PCDHA3: variants seen among roughly 807,000 people sequenced by gnomAD.
PCDHA3 encodes the protein protocadherin alpha-3.
PCDHA3 carries 41 observed loss-of-function variants against 62.2 expected under a neutral mutation model. That is an observed-to-expected ratio of 0.66 (90% CI 0.51 to 0.86). The LOEUF (loss-of-function observed/expected upper bound fraction) is 0.86. Among genes scored for constraint, PCDHA3 ranks in the 40% least tolerant of loss-of-function variants. The pLI, the probability that PCDHA3 is intolerant of heterozygous loss-of-function variation, is 0.00. For synonymous variants in PCDHA3, 640 were observed against 555.4 expected, an observed-to-expected ratio of 1.15 and a Z score of -2.14; for missense variants, 1,304 against 1,241.2, an observed-to-expected ratio of 1.05 and a Z score of -0.76.
intron 1 of PCDHA3, among the ~76,000 whole-genome samples, chr5:140,908,711 T>A (rs951399125): frequency 6.6e-6 from 1 of 152,144 alleles, no homozygotes; most frequent in African/African-American, 2.4e-5. Flanking sequence ...CACCATTGGA[T>A]CTGCTGGGTC....
At chr5:140,962,348 C>T (rs2095675606) in intron 1 of PCDHA3, among the ~76,000 whole-genome samples, 1 of 152,130 alleles carries the variant, frequency 6.6e-6, no homozygotes, top group South Asian at 2.1e-4. Flanking sequence ...AGTAAAACTC[C>T]CCCCAATACT....
At chr5:140,818,821 C>T (rs188829951) in intron 1 of PCDHA3, among the ~76,000 whole-genome samples, 156 of 152,316 alleles carry the variant, frequency 1.0e-3, no homozygotes, top group Admixed American at 2.0e-3. Flanking sequence ...GAGTGAGACT[C>T]TTTGTCACCC....
chr5:140,892,408 G>C (rs1323060042), intron 1 of PCDHA3, among the ~76,000 whole-genome samples: 1 of 152,054 alleles, frequency 6.6e-6, no homozygotes, highest in Non-Finnish European at 1.5e-5. Context: ...TCAAGCTTCA[G>C]GTATTCTAGA....
intron 1 of PCDHA3, chr5:140,927,951 T>G: frequency 6.2e-7 from 1 of 1,614,198 alleles, no homozygotes; most frequent in Non-Finnish European, 8.5e-7. Context: ...CTGAGGACGC[T>G]GCCCCTGGCA....
At chr5:140,859,674 A>G (rs1480845911) in intron 1 of PCDHA3, 1 of 154,702 alleles carries the variant, frequency 6.5e-6, no homozygotes. Flanking sequence ...ATAGCTTCAA[A>G]TAAAATTAAA....
chr5:140,841,833 G>A (rs2150323883), intron 1 of PCDHA3: 2 of 1,613,938 alleles, frequency 1.2e-6, no homozygotes, highest in South Asian at 2.2e-5. Context: ...TTAACCTACA[G>A]GCTTAGCTCT....
At chr5:140,850,803 A>G in intron 1 of PCDHA3, 4 of 1,598,380 alleles carry the variant, frequency 2.5e-6, no homozygotes, top group Non-Finnish European at 3.4e-6. Context: ...GACCGACCTC[A>G]TGGCCTTCAG....
Position 140,856,344 on chromosome 5 carries a change from T to C in PCDHA3, c.2394+52753T>C, listed in dbSNP as rs782335067. 2.8e-5 allele frequency: 45 copies of C among 1,598,188 alleles called. 4 individuals are homozygous for C. The highest frequency in any genetic ancestry group is 1.5e-4 in the Admixed American group (9 of 59,260). On this transcript the variant is annotated intron_variant, in intron 1 of 3. Transcript: ENST00000522353. The stretch of plus-strand genomic sequence containing the variant: ...CGCGAGGAGCTGTGCGGGCGGAGCG[T>C]GGAGTGCAGCATCCACCTGGAGGTG...
chr5:140,944,301 C>T (rs1320988632), intron 1 of PCDHA3, among the ~76,000 whole-genome samples: 1 of 152,176 alleles, frequency 6.6e-6, no homozygotes, highest in Non-Finnish European at 1.5e-5. Flanking sequence ...GATCCTCCTA[C>T]CTCAGCCTCC....
At chr5:140,933,663 C>G (rs1340033934) in intron 1 of PCDHA3, among the ~76,000 whole-genome samples, 4 of 152,128 alleles carry the variant, frequency 2.6e-5, no homozygotes, top group African/African-American at 7.2e-5. Context: ...GTCTCTCTCT[C>G]TGTCTCTCTC....
chr5:140,868,980 G>T (rs2050777662), intron 1 of PCDHA3: 5 of 1,489,988 alleles, frequency 3.4e-6, no homozygotes, highest in South Asian at 1.4e-5. Context: ...CCATCATACC[G>T]GATGCCACCG....
rs78805068 is a variant in PCDHA3, at chr5:140,928,696, C to T, written c.2395-50253C>T. On this transcript the variant is annotated intron_variant, in intron 1 of 3. Transcript: ENST00000522353. ...TGCCTGGCTTTCCTACCACATCTCC[C>T]GGGCGTCTGACTCTAGTCTCTTTAG... The T allele has an allele frequency of 3.2e-3, 5,185 of 1,614,146 alleles. 27 individuals carry two copies. The highest frequency in any genetic ancestry group is 0.019 in the African/African-American group (1,449 of 75,020).
intron 1 of PCDHA3, among the ~76,000 whole-genome samples, chr5:140,893,033 A>G (rs1246631946): frequency 1.3e-5 from 2 of 152,230 alleles, no homozygotes; most frequent in African/African-American, 2.4e-5. Flanking sequence ...TTCACTTAAC[A>G]TATGCCCTCC....
intron 1 of PCDHA3, chr5:140,967,549 T>C (rs781838911): frequency 6.2e-7 from 1 of 1,614,012 alleles, no homozygotes; most frequent in Non-Finnish European, 8.5e-7. Flanking sequence ...ACCAGTCCAC[T>C]TATCGCGTCC....
intron 1 of PCDHA3, chr5:140,968,169 G>A (rs781969621): frequency 6.8e-6 from 11 of 1,613,982 alleles, no homozygotes; most frequent in African/African-American, 1.3e-5. Context: ...AATCCACCAA[G>A]CTTCCTGGAG....
chr5:140,836,129 G>A (rs2150253536), intron 1 of PCDHA3: 3 of 1,613,716 alleles, frequency 1.9e-6, no homozygotes, highest in Non-Finnish European at 2.5e-6. Flanking sequence ...AGCTTGTGCC[G>A]CGGTCTGTGG....
chr5:140,807,029 A>T, intron 1 of PCDHA3: 1 of 882,882 alleles, frequency 1.1e-6, no homozygotes, highest in African/African-American at 1.7e-5. Flanking sequence ...GAGAAGGAGG[A>T]AGAAGGGAAA....
chr5:140,830,290 G>A (rs2150184535), intron 1 of PCDHA3: 3 of 1,613,848 alleles, frequency 1.9e-6, no homozygotes, highest in East Asian at 2.2e-5. Context: ...GCGCGTGCAC[G>A]GCGGACAAGC....
intron 1 of PCDHA3, chr5:140,869,781 T>C (rs781934601): frequency 6.2e-7 from 1 of 1,612,992 alleles, no homozygotes; most frequent in South Asian, 1.1e-5. Context: ...CTGGCACCGT[T>C]CGGCTGTTAG....
Sources: allele counts gnomAD v4.1 joint callset (sites outside exome capture counted in the v4.1 genomes callset), GRCh38; gene constraint gnomAD v4.1.1; transcripts MANE v1.5; gene names NCBI Gene and HGNC (gene_info 2026-07-23, HGNC 2026-07-21).